TAFA4: variants seen among roughly 807,000 people sequenced by gnomAD.
The protein encoded by TAFA4 is TAFA chemokine like family member 4, also known as chemokine-like protein TAFA-4.
Under a neutral mutation model 21.1 loss-of-function variants are expected in TAFA4, and 20 were observed. That is an observed-to-expected ratio of 0.95 (90% confidence interval 0.67 to 1.38). The LOEUF (loss-of-function observed/expected upper bound fraction) is 1.38. Among genes scored for constraint, TAFA4 ranks in the 40% most tolerant of loss-of-function variants. The pLI, the probability that TAFA4 is intolerant of heterozygous loss-of-function variation, is 0.00. For synonymous variants in TAFA4, 71 were observed against 67.4 expected, an observed-to-expected ratio of 1.05 and a Z score of -0.26; for missense variants, 211 against 180.9, an observed-to-expected ratio of 1.17 and a Z score of -0.95.
intron 3 of TAFA4, among the ~76,000 whole-genome samples, chr3:68,770,951 G>A (rs549494769): frequency 1.2e-4 from 18 of 152,250 alleles, no homozygotes; most frequent in Non-Finnish European, 2.1e-4. Context: ...ACACACAAGC[G>A]GCTGGACATC....
chr3:68,884,486 T>C (rs1390484666), intron 2 of TAFA4, among the ~76,000 whole-genome samples: 2 of 152,010 alleles, frequency 1.3e-5, no homozygotes, highest in Non-Finnish European at 2.9e-5. Context: ...GCTTCCATGG[T>C]TCCCAGCCAG....
At chr3:68,742,525 T>A (rs1468640949) in intron 4 of TAFA4, among the ~76,000 whole-genome samples, 1 of 152,142 alleles carries the variant, frequency 6.6e-6, no homozygotes, top group East Asian at 1.9e-4. Flanking sequence ...ATTTCCTTCC[T>A]GCATTTTCTA....
chr3:68,853,298 A>T lies in TAFA4; in HGVS notation c.130+27432T>A, dbSNP rs530251113. Among the ~76,000 whole-genome samples, 415 of 152,296 alleles carry T rather than the reference A, an allele frequency of 2.7e-3. 1 individual carries two copies. The highest frequency in any genetic ancestry group is 9.4e-3 in the African/African-American group (392 of 41,568). On this transcript the variant is annotated intron_variant, in intron 3 of 5. Coordinates refer to ENST00000295569, the MANE Select transcript of TAFA4 (RefSeq NM_182522.5). ...CTTCAAGTGTTAATAGACATGAGTC[A>T]GTTGTGTTTTGAATATGGGAAAGTG...
chr3:68,885,339 G>T, intron 1 of TAFA4, 29 bp from the exon 2 acceptor site: 1 of 593,908 alleles, frequency 1.7e-6, no homozygotes, highest in Non-Finnish European at 2.9e-6. Flanking sequence ...AAAAAAAAAA[G>T]GAATCAATTA....
At chr3:68,925,789 T>C (rs2090102100) in intron 1 of TAFA4, among the ~76,000 whole-genome samples, 1 of 152,178 alleles carries the variant, frequency 6.6e-6, no homozygotes, top group South Asian at 2.1e-4. Context: ...TCATGTAAAA[T>C]GATCACCACA....
chr3:68,773,319 T>C (rs2106785785), intron 3 of TAFA4, among the ~76,000 whole-genome samples: 1 of 152,298 alleles, frequency 6.6e-6, no homozygotes, highest in Non-Finnish European at 1.5e-5. Flanking sequence ...TCAGGCAAGG[T>C]CTGGAAGGGT....
chr3:68,758,217 A>G (rs1342769404), intron 3 of TAFA4, among the ~76,000 whole-genome samples: 1 of 152,182 alleles, frequency 6.6e-6, no homozygotes, highest in African/African-American at 2.4e-5. Context: ...TTTCAATTTG[A>G]TGACAGTGTT....
intron 3 of TAFA4, among the ~76,000 whole-genome samples, chr3:68,804,188 ATAAAAG>A (rs1279081505): frequency 2.6e-5 from 4 of 152,194 alleles, no homozygotes; most frequent in Non-Finnish European, 4.4e-5. Flanking sequence ...TAAGGAAAAC[ATAAAAG>A]TAAATCACCA....
chr3:68,799,297 G>A (rs1703522311), intron 3 of TAFA4, among the ~76,000 whole-genome samples: 1 of 152,132 alleles, frequency 6.6e-6, no homozygotes, highest in Non-Finnish European at 1.5e-5. Context: ...CAGAGGCCCT[G>A]ATTCCTGGTC....
At chr3:68,738,212 G>A (rs748095439) in intron 5 of TAFA4, among the ~76,000 whole-genome samples, 5 of 152,178 alleles carry the variant, frequency 3.3e-5, no homozygotes, top group Admixed American at 6.5e-5. Flanking sequence ...AACAGCCCAT[G>A]CCAAAGGACC....
intron 3 of TAFA4, among the ~76,000 whole-genome samples, chr3:68,834,740 T>A (rs550947735): frequency 6.6e-6 from 1 of 152,240 alleles, no homozygotes; most frequent in African/African-American, 2.4e-5. Context: ...CTCTTTCTCT[T>A]ACACTCTCCA....
chr3:68,876,700 A>T (rs140541450), intron 3 of TAFA4, among the ~76,000 whole-genome samples: 2 of 152,270 alleles, frequency 1.3e-5, no homozygotes, highest in East Asian at 3.9e-4. Context: ...CAAAACACAC[A>T]ATCACAACAT....
At chr3:68,839,108 A>T (rs1704594150) in intron 3 of TAFA4, among the ~76,000 whole-genome samples, 1 of 152,192 alleles carries the variant, frequency 6.6e-6, no homozygotes, top group Non-Finnish European at 1.5e-5. Context: ...AAAGAAAAAC[A>T]ACAACAACAA....
intron 3 of TAFA4, among the ~76,000 whole-genome samples, chr3:68,757,533 T>C (rs543197688): frequency 3.1e-4 from 47 of 152,246 alleles, no homozygotes; most frequent in African/African-American, 1.1e-3. Context: ...ATGAAAAATA[T>C]ATGTGTCAGC....
chr3:68,808,810 T>G (rs1357685286), intron 3 of TAFA4, among the ~76,000 whole-genome samples: 2 of 152,218 alleles, frequency 1.3e-5, no homozygotes, highest in Admixed American at 1.3e-4. Flanking sequence ...AAGGGTTTAC[T>G]TCTGACTTAA....
At chr3:68,835,905 C>G (rs531532089) in intron 3 of TAFA4, among the ~76,000 whole-genome samples, 124 of 152,298 alleles carry the variant, frequency 8.1e-4, no homozygotes, top group African/African-American at 2.7e-3. Flanking sequence ...CTTCACATAT[C>G]CCTCTTTAAA....
At chr3:68,889,780 CA>C (rs568756347) in intron 1 of TAFA4, among the ~76,000 whole-genome samples, 76 of 151,772 alleles carry the variant, frequency 5.0e-4, no homozygotes, top group Non-Finnish European at 9.1e-4. Flanking sequence ...TCATGAAAGA[CA>C]AAAAAAATTA....
chr3:68,749,660 A>T (rs2106747757), intron 4 of TAFA4, among the ~76,000 whole-genome samples: 1 of 152,344 alleles, frequency 6.6e-6, no homozygotes, highest in East Asian at 1.9e-4. Context: ...CATTTATTGA[A>T]CACCGACTGT....
intron 2 of TAFA4, 151 bp from the exon 3 acceptor site, chr3:68,880,996 AT>A (rs1318853440): frequency 6.5e-6 from 4 of 618,914 alleles, no homozygotes; most frequent in Non-Finnish European, 1.2e-5. Flanking sequence ...ATCAAACCTT[AT>A]TTGCACTTAG....
Sources: gnomAD v4.1 joint callset for allele counts (sites outside exome capture counted in the v4.1 genomes callset) on GRCh38, gnomAD v4.1.1 for gene constraint, MANE v1.5 for transcripts, NCBI Gene and HGNC (gene_info 2026-07-23, HGNC 2026-07-21) for gene names.